The following NANOS1 variants were observed in gnomAD, a reference collection of about 807,000 sequenced individuals.
NANOS1 encodes the protein nanos C2HC-type zinc finger 1.
A neutral mutation model predicts 1.1 loss-of-function variants in NANOS1; 1 was observed. The ratio of observed to expected loss-of-function variants is 0.88; its 90% CI spans 0.31 to 4.20. NANOS1 has a LOEUF of 4.20. Among genes scored for constraint, NANOS1 ranks in the 30% most tolerant of loss-of-function variants. The probability of loss-of-function intolerance (pLI) is 0.17; values close to 1 mark genes in which losing one functional copy is unlikely to be tolerated. For missense variants in NANOS1, 537 were observed against 457.9 expected, an observed-to-expected ratio of 1.17 and a Z score of -1.58; for synonymous variants, 252 against 230.6, an observed-to-expected ratio of 1.09 and a Z score of -0.84.
chr10:119,030,338 G>A lies in NANOS1; in HGVS notation c.537G>A (p.Ala179=). ...AAAAATTTSE[A]TPREERAPAW... is the part of the protein sequence containing the mutation. The stretch of plus-strand genomic sequence containing the variant: ...CCGCCGCCACCACCACCAGCGAGGC[G>A]ACGCCGCGCGAGGAGCGGGCCCCGG... Residue 179 remains alanine (A), a synonymous_variant, in exon 1 of 1, where the codon GCG becomes GCA. Transcript: ENST00000425699. The surrounding 1 kb of genome is among the most constrained non-coding windows in gnomAD (Gnocchi z 5.3). 1 of 1,127,212 alleles carries A rather than the reference G, an allele frequency of 8.9e-7. No homozygotes were observed. The highest frequency in any genetic ancestry group is 1.1e-6 in the Non-Finnish European group (1 of 923,480). 69.8% of individuals were successfully genotyped at this position (1,127,212 alleles called of 1,614,324 possible).
Position 119,029,733 on chromosome 10 carries a change from G to C in NANOS1, c.-69G>C. ...CACCCCGCGGCAGGCCGGCGGGCAGGCTCGGCGTGTCCCTTCCGTCCGGCC... is the reference window on the plus strand; with the variant it reads ...CACCCCGCGGCAGGCCGGCGGGCAGCCTCGGCGTGTCCCTTCCGTCCGGCC... On this transcript the variant is annotated 5_prime_UTR_variant, in exon 1 of 1. Coordinates refer to ENST00000425699, the MANE Select transcript of NANOS1 (RefSeq NM_199461.4). 1 of 867,830 alleles carries C rather than the reference G, an allele frequency of 1.2e-6. No individual in the cohort carries two copies. The highest frequency in any genetic ancestry group is 1.8e-5 in the African/African-American group (1 of 54,420). The allele number at this position is 867,830 out of a possible 1,614,324, so 53.8% of individuals were successfully genotyped here.
chr10:119,030,446 G>T lies in NANOS1; in HGVS notation c.645G>T (p.Val215=). 6.8e-7 allele frequency: 1 copy of T among 1,478,288 alleles called. No homozygotes were observed. The highest frequency in any genetic ancestry group is 9.0e-7 in the Non-Finnish European group (1 of 1,113,482). The allele number at this position is 1,478,288 out of a possible 1,614,324, so 91.6% of individuals were successfully genotyped here. A position where few individuals can be genotyped will look rare whatever the true frequency, so the allele number is the denominator to read the frequency against. Residue 215 remains valine, a synonymous_variant, in exon 1 of 1, where the codon GTG becomes GTT. Transcript: ENST00000425699. This position sits in a 1 kb window ranked among gnomAD's most constrained non-coding sequence, Gnocchi z 5.3. ...TGAAGCCCGAGCTGCAGGTGTGCGT[G>T]TTCTGCCGGAACAACAAGGAGGCGA... The part of the protein sequence containing the change: ...RLLKPELQVC[V]FCRNNKEAMA...
In NANOS1 at chr10:119,032,169, T is replaced by G. The variant is rs146223131; in HGVS notation, c.*1489T>G. 259 of 167,242 alleles carry G rather than the reference T, an allele frequency of 1.5e-3. 2 individuals are homozygous for G. Among genetic ancestry groups the G allele is most frequent in the Non-Finnish European group, 2.8e-3 (191 of 68,124 alleles). The allele number at this position is 167,242 out of a possible 1,614,324, so 10.4% of individuals were successfully genotyped here. A position where few individuals can be genotyped will look rare whatever the true frequency, so the allele number is the denominator to read the frequency against. On this transcript the variant is annotated 3_prime_UTR_variant, in exon 1 of 1. Transcript: ENST00000425699. ...TCCCAGTAGGATTTAGCTAGGCTAC[T>G]AGAAGTTAGACTGCTTTCGCATTAA...
rs1448914672 is a variant in NANOS1, at chr10:119,032,797, G to C, written c.*2117G>C. The C allele has an allele frequency of 6.0e-6, 1 of 166,888 alleles. No homozygotes were observed. Among genetic ancestry groups the C allele is most frequent in the African/African-American group, 2.4e-5 (1 of 41,396 alleles). The allele number at this position is 166,888 out of a possible 1,614,324, so 10.3% of individuals were successfully genotyped here. On this transcript the variant is annotated 3_prime_UTR_variant, in exon 1 of 1. Coordinates refer to ENST00000425699, the MANE Select transcript of NANOS1 (RefSeq NM_199461.4). The stretch of plus-strand genomic sequence containing the variant: ...ATATTCTGACATTGCTATTTTACCA[G>C]AACTAAGAACATATTGAGCTGGAGC...
chr10:119,029,850 C>T lies in NANOS1; in HGVS notation c.49C>T (p.Pro17Ser). The change falls in exon 1 of 1, where the codon CCC becomes TCC. Residue 17 changes from proline (P) to serine (S), a missense_variant. Physicochemically the swap from Pro to Ser is moderately conservative, Grantham distance 74 (BLOSUM62 -1). Coordinates refer to ENST00000425699, the MANE Select transcript of NANOS1 (RefSeq NM_199461.4). ...CCGCTCGCCCCGCCGCGGCCGCGCC[C>T]CCCCGCCCATGGCGCTCGTGCCCAG... is the stretch of plus-strand genomic sequence containing the variant. The part of the protein sequence containing the change: ...APRSPRRGRA[P>S]PPMALVPSAR... 1 of 1,226,600 alleles carries T rather than the reference C, an allele frequency of 8.2e-7. No homozygotes were observed. Among genetic ancestry groups the T allele is most frequent in the East Asian group, 3.4e-5 (1 of 29,426 alleles). 76.0% of individuals were successfully genotyped at this position (1,226,600 alleles called of 1,614,324 possible). A position where few individuals can be genotyped will look rare whatever the true frequency, so the allele number is the denominator to read the frequency against.
chr10:119,030,160 G>A lies in NANOS1; in HGVS notation c.359G>A (p.Gly120Asp), dbSNP rs750812026. The change falls in exon 1 of 1, where the codon GGC becomes GAC. Residue 120 changes from glycine to aspartate, a missense_variant. By Grantham distance (94) the Gly-to-Asp change is moderately conservative. Transcript: ENST00000425699. The surrounding 1 kb of genome is among the most constrained non-coding windows in gnomAD (Gnocchi z 5.3). The stretch of plus-strand genomic sequence containing the variant: ...GACAGCGACGAGCCGGGGTCCCGGG[G>A]CCGCTACCTGGGGAGCGCGCTGGAA... ...DDDSDEPGSR[G>D]RYLGSALELR... The A allele has an allele frequency of 3.0e-5, 41 of 1,357,548 alleles. No individual in the cohort carries two copies. The East Asian group carries it at 3.3e-4, about 11-fold the overall frequency. The allele number at this position is 1,357,548 out of a possible 1,614,324, so 84.1% of individuals were successfully genotyped here. A position where few individuals can be genotyped will look rare whatever the true frequency, so the allele number is the denominator to read the frequency against.
At position 119,032,133 on chromosome 10, in the gene NANOS1, G is replaced by T. The variant is rs1000314389; in HGVS notation, c.*1453G>T. On this transcript the variant is annotated 3_prime_UTR_variant, in exon 1 of 1. Transcript: ENST00000425699. Reference sequence around the variant, plus strand: ...AGATACCAGCAAGAGTTTAGTCTACGTGTATAAGGCTCCCAGTAGGATTTA... The same window carrying T: ...AGATACCAGCAAGAGTTTAGTCTACTTGTATAAGGCTCCCAGTAGGATTTA... 2.4e-5 allele frequency: 4 copies of T among 167,076 alleles called. No homozygotes were observed. The Admixed American group carries it at 2.6e-4, about 11-fold the overall frequency. 10.3% of individuals were successfully genotyped at this position (167,076 alleles called of 1,614,324 possible). A position where few individuals can be genotyped will look rare whatever the true frequency, so the allele number is the denominator to read the frequency against.
In NANOS1 at chr10:119,033,307, C is replaced by G. The variant is rs1223669465; in HGVS notation, c.*2627C>G. The G allele has an allele frequency of 6.0e-6, 1 of 167,034 alleles. No homozygotes were observed. Among genetic ancestry groups the G allele is most frequent in the Non-Finnish European group, 1.5e-5 (1 of 68,104 alleles). 10.3% of individuals were successfully genotyped at this position (167,034 alleles called of 1,614,324 possible). ...GCAGAGTATTACTATAGTTAATTTT[C>G]TAGGGTTCTCTTATGAAAAGTATAT... On this transcript the variant is annotated 3_prime_UTR_variant, in exon 1 of 1. Transcript: ENST00000425699.
rs1848086671 is a variant in NANOS1 at position 119,033,726 on chromosome 10, A to G, written c.*3046A>G. 1 of 166,946 alleles carries G rather than the reference A, an allele frequency of 6.0e-6. No homozygotes were observed. Among genetic ancestry groups the G allele is most frequent in the African/African-American group, 2.4e-5 (1 of 41,452 alleles). The allele number at this position is 166,946 out of a possible 1,614,324, so 10.3% of individuals were successfully genotyped here. ...ATTATACATATTAAAATTATATCACAAATATATATGCTTCCAGACAAAGAA... is the reference window on the plus strand; with the variant it reads ...ATTATACATATTAAAATTATATCACGAATATATATGCTTCCAGACAAAGAA... On this transcript the variant is annotated 3_prime_UTR_variant, in exon 1 of 1. Transcript: ENST00000425699.
rs1463033536 is a variant in NANOS1 at position 119,030,858 on chromosome 10, TGGGA to T, written c.*179_*182del. 1.5e-4 allele frequency: 129 copies of T among 874,338 alleles called. No individual in the cohort carries two copies. Among genetic ancestry groups the T allele is most frequent in the Admixed American group, 9.1e-5 (2 of 22,088 alleles). 54.2% of individuals were successfully genotyped at this position (874,338 alleles called of 1,614,324 possible). On this transcript the variant is annotated 3_prime_UTR_variant, in exon 1 of 1. Transcript: ENST00000425699. This position sits in a 1 kb window ranked among gnomAD's most constrained non-coding sequence, Gnocchi z 5.3. ...GTGGAGTACTTCCGTGCTGAACGAT[TGGGA>T]CTAGACGCTGAAATCCCCATTTGTC...
rs1848037340 is a variant in NANOS1, at chr10:119,030,845, C to T, written c.*165C>T. ...AGCAGCCGACCGTGTGGAGTACTTCCGTGCTGAACGATTGGGACTAGACGC... is the reference window on the plus strand; with the variant it reads ...AGCAGCCGACCGTGTGGAGTACTTCTGTGCTGAACGATTGGGACTAGACGC... On this transcript the variant is annotated 3_prime_UTR_variant, in exon 1 of 1. Transcript: ENST00000425699. The surrounding 1 kb of genome is among the most constrained non-coding windows in gnomAD (Gnocchi z 5.3). 1.0e-6 allele frequency: 1 copy of T among 978,736 alleles called. No individual in the cohort carries two copies. Among genetic ancestry groups the T allele is most frequent in the Non-Finnish European group, 1.3e-6 (1 of 751,082 alleles). The allele number at this position is 978,736 out of a possible 1,614,324, so 60.6% of individuals were successfully genotyped here. A position where few individuals can be genotyped will look rare whatever the true frequency, so the allele number is the denominator to read the frequency against.
chr10:119,029,915 GC>G lies in NANOS1; in HGVS notation c.117del (p.Phe40SerfsTer112). The G allele has an allele frequency of 7.1e-7, 1 of 1,413,672 alleles. No individual in the cohort carries two copies. The highest frequency in any genetic ancestry group is 9.3e-7 in the Non-Finnish European group (1 of 1,081,070). 87.6% of individuals were successfully genotyped at this position (1,413,672 alleles called of 1,614,324 possible). On this transcript the variant is annotated frameshift_variant, in exon 1 of 1. Transcript: ENST00000425699. LOFTEE classifies it high-confidence loss of function. ...GCGCCCCGGGCCCGGCGCACCCGCA[GC>G]CCTTCAGCTCCTGGAACGACTACCT... ...VSAPGPAHPQ[P>X]FSSWNDYLGL...
In NANOS1 at chr10:119,031,963, A is replaced by AC. The variant is rs1406870927; in HGVS notation, c.*1286dup. The AC allele has an allele frequency of 6.0e-6, 1 of 166,966 alleles. No homozygotes were observed. The highest frequency in any genetic ancestry group is 2.4e-5 in the African/African-American group (1 of 41,406). The allele number at this position is 166,966 out of a possible 1,614,324, so 10.3% of individuals were successfully genotyped here. ...GGCAAAAGTTCCTAACCCCTACTTT[A>AC]CCCTCCCACCCTCACTTTTAAATCC... On this transcript the variant is annotated 3_prime_UTR_variant, in exon 1 of 1. Transcript: ENST00000425699.
chr10:119,030,342 C>T lies in NANOS1; in HGVS notation c.541C>T (p.Pro181Ser). Reference sequence around the variant, plus strand: ...CGCCACCACCACCAGCGAGGCGACGCCGCGCGAGGAGCGGGCCCCGGCGTG... The same window carrying T: ...CGCCACCACCACCAGCGAGGCGACGTCGCGCGAGGAGCGGGCCCCGGCGTG... ...AAATTTSEATPREERAPAWAA... is the reference protein window; with the variant it reads ...AAATTTSEATSREERAPAWAA... The change falls in exon 1 of 1, where the codon CCG becomes TCG. Residue 181 changes from proline to serine, a missense_variant. Coordinates refer to ENST00000425699, the MANE Select transcript of NANOS1 (RefSeq NM_199461.4). The surrounding 1 kb of genome is among the most constrained non-coding windows in gnomAD (Gnocchi z 5.3). 1.8e-6 allele frequency: 2 copies of T among 1,129,928 alleles called. No homozygotes were observed. The highest frequency in any genetic ancestry group is 1.1e-6 in the Non-Finnish European group (1 of 924,990). 70.0% of individuals were successfully genotyped at this position (1,129,928 alleles called of 1,614,324 possible).
Position 119,032,764 on chromosome 10 carries a change from T to C in NANOS1, c.*2084T>C, listed in dbSNP as rs960607504. The C allele has an allele frequency of 2.0e-5, 3 of 151,184 alleles. No homozygotes were observed. The highest frequency in any genetic ancestry group is 3.2e-5 in the Non-Finnish European group (2 of 62,522). 9.4% of individuals were successfully genotyped at this position (151,184 alleles called of 1,614,324 possible). Reference sequence around the variant, plus strand: ...TCACTGTGATGAGATGTGCCTAATGTTAATTTGATATTCTGACATTGCTAT... The same window carrying C: ...TCACTGTGATGAGATGTGCCTAATGCTAATTTGATATTCTGACATTGCTAT... On this transcript the variant is annotated 3_prime_UTR_variant, in exon 1 of 1. Coordinates refer to ENST00000425699, the MANE Select transcript of NANOS1 (RefSeq NM_199461.4).
In NANOS1 at chr10:119,033,595, T is replaced by C. The variant is rs753416786; in HGVS notation, c.*2915T>C. ...GACTTAAAATTTCTAGTGGCTTTTA[T>C]TTTTCTTTGTATTTTAATTTTCCTA... On this transcript the variant is annotated 3_prime_UTR_variant, in exon 1 of 1. Coordinates refer to ENST00000425699, the MANE Select transcript of NANOS1 (RefSeq NM_199461.4). The C allele has an allele frequency of 6.0e-6, 1 of 167,036 alleles. No homozygotes were observed. The highest frequency in any genetic ancestry group is 2.1e-4 in the South Asian group (1 of 4,832). The allele number at this position is 167,036 out of a possible 1,614,324, so 10.3% of individuals were successfully genotyped here. A position where few individuals can be genotyped will look rare whatever the true frequency, so the allele number is the denominator to read the frequency against.
In NANOS1 at chr10:119,030,797, C is replaced by CGT. The variant is rs995958071; in HGVS notation, c.*118_*119dup. 8.2e-7 allele frequency: 1 copy of CGT among 1,217,742 alleles called. No individual in the cohort carries two copies. Among genetic ancestry groups the CGT allele is most frequent in the African/African-American group, 1.6e-5 (1 of 62,930 alleles). 75.4% of individuals were successfully genotyped at this position (1,217,742 alleles called of 1,614,324 possible). A position where few individuals can be genotyped will look rare whatever the true frequency, so the allele number is the denominator to read the frequency against. The stretch of plus-strand genomic sequence containing the variant: ...GCTCAGCGGTCGGCTCGACATGGGA[C>CGT]GTCGTCCTGGTGGTTTTTGAAAAGC... On this transcript the variant is annotated 3_prime_UTR_variant, in exon 1 of 1. Transcript: ENST00000425699. The surrounding 1 kb of genome is among the most constrained non-coding windows in gnomAD (Gnocchi z 5.3).
Position 119,029,936 on chromosome 10 carries a change from C to A in NANOS1, c.135C>A (p.Asp45Glu). The change falls in exon 1 of 1, where the codon GAC becomes GAA. Residue 45 changes from aspartate (D) to glutamate (E), a missense_variant. Asp to Glu is a conservative substitution (Grantham distance 45, BLOSUM62 2). Coordinates refer to ENST00000425699, the MANE Select transcript of NANOS1 (RefSeq NM_199461.4). ...AHPQPFSSWN[D>E]YLGLATLITK... ...CGCAGCCCTTCAGCTCCTGGAACGA[C>A]TACCTGGGGCTCGCCACGCTCATCA... 7.0e-7 allele frequency: 1 copy of A among 1,434,834 alleles called. No individual in the cohort carries two copies. Among genetic ancestry groups the A allele is most frequent in the Non-Finnish European group, 9.1e-7 (1 of 1,094,002 alleles). The allele number at this position is 1,434,834 out of a possible 1,614,324, so 88.9% of individuals were successfully genotyped here. A position where few individuals can be genotyped will look rare whatever the true frequency, so the allele number is the denominator to read the frequency against.
In NANOS1 at chr10:119,030,610, T is replaced by TGCC. The variant is rs747095764; in HGVS notation, c.819_821dup (p.Pro274dup). The stretch of plus-strand genomic sequence containing the variant: ...ATCAAGTACTGCCCGCTCTCCAAAG[T>TGCC]GCCGCCGCCGCCCGCCCGCCCGCCG... On this transcript the variant is annotated inframe_insertion, in exon 1 of 1. Coordinates refer to ENST00000425699, the MANE Select transcript of NANOS1 (RefSeq NM_199461.4). The surrounding 1 kb of genome is among the most constrained non-coding windows in gnomAD (Gnocchi z 5.3). The TGCC allele has an allele frequency of 4.0e-6, 6 of 1,483,404 alleles. No individual in the cohort carries two copies. In the African/African-American group the frequency reaches 4.3e-5, roughly 11 times the overall value. The allele number at this position is 1,483,404 out of a possible 1,614,324, so 91.9% of individuals were successfully genotyped here. A position where few individuals can be genotyped will look rare whatever the true frequency, so the allele number is the denominator to read the frequency against.
Sources: gnomAD v4.1 joint callset for allele counts on GRCh38, gnomAD v4.1.1 for gene constraint, Gnocchi (gnomAD v3.1) non-coding constraint, MANE v1.5 for transcripts, NCBI Gene and HGNC (gene_info 2026-07-23, HGNC 2026-07-21) for gene names.